MEGF11: variants seen among roughly 807,000 people sequenced by gnomAD.
The protein encoded by MEGF11 is multiple EGF like domains 11, also known as multiple epidermal growth factor-like domains protein 11.
A neutral mutation model predicts 146.6 loss-of-function variants in MEGF11; 126 were observed. The observed-to-expected ratio is 0.86, with a 90% CI of 0.74 to 1.00. The LOEUF (loss-of-function observed/expected upper bound fraction) is 1.00, where lower values mean the gene tolerates loss of function less well. MEGF11 is among the 50% of genes least tolerant of loss of function. The probability of loss-of-function intolerance (pLI) is 0.00; values close to 1 mark genes in which losing one functional copy is unlikely to be tolerated. For missense variants in MEGF11, 1,509 were observed against 1,521.2 expected (o/e 0.99, Z 0.13); for synonymous variants, 532 against 583.4 (o/e 0.91, Z 1.27).
chr15:66,231,584 T>C (rs1490340388), intron 1 of MEGF11, among the ~76,000 whole-genome samples: 1 of 152,080 alleles, frequency 6.6e-6, no homozygotes, highest in African/African-American at 2.4e-5. Context: ...GCTCCAACCG[T>C]CTCCTGAGTC....
intron 10 of MEGF11, among the ~76,000 whole-genome samples, chr15:65,947,233 C>T (rs1314033279): frequency 1.3e-5 from 2 of 151,920 alleles, no homozygotes; most frequent in Admixed American, 6.5e-5. Flanking sequence ...GAATTATCGG[C>T]ACTAATGACT....
chr15:65,925,942 A>C (rs993157761), intron 13 of MEGF11, among the ~76,000 whole-genome samples: 1 of 152,024 alleles, frequency 6.6e-6, no homozygotes, highest in African/African-American at 2.4e-5. Flanking sequence ...CATACACAAG[A>C]CCTGTCTCCC....
chr15:66,145,923 T>C (rs2089354128), intron 1 of MEGF11, among the ~76,000 whole-genome samples: 1 of 152,180 alleles, frequency 6.6e-6, no homozygotes, highest in African/African-American at 2.4e-5. Flanking sequence ...ATCTGGAACA[T>C]TGTAAAAACT....
chr15:65,945,289 G>A (rs1348924629), intron 10 of MEGF11, among the ~76,000 whole-genome samples: 1 of 152,174 alleles, frequency 6.6e-6, no homozygotes, highest in Admixed American at 6.5e-5. Context: ...CACAGAACAC[G>A]GGCCTGGAAT....
intron 1 of MEGF11, among the ~76,000 whole-genome samples, chr15:66,135,090 G>A (rs1163849542): frequency 1.3e-5 from 2 of 152,210 alleles, no homozygotes; most frequent in Non-Finnish European, 2.9e-5. Context: ...AACTTCAAGG[G>A]CTGTTAAGAT....
intron 10 of MEGF11, among the ~76,000 whole-genome samples, chr15:65,940,581 C>G (rs1427929152): frequency 6.6e-6 from 1 of 152,244 alleles, no homozygotes; most frequent in East Asian, 1.9e-4. Context: ...TGGTGCGTCA[C>G]TGATAAAGCA....
chr15:65,935,221 G>A (rs2079728540), intron 10 of MEGF11, among the ~76,000 whole-genome samples: 1 of 151,314 alleles, frequency 6.6e-6, no homozygotes, highest in African/African-American at 2.4e-5. Context: ...TTGGGAGGCT[G>A]AGGCAGGGGA....
chr15:66,080,086 C>A (rs745421011), intron 5 of MEGF11, among the ~76,000 whole-genome samples: 1 of 152,184 alleles, frequency 6.6e-6, no homozygotes, highest in Non-Finnish European at 1.5e-5. Context: ...CAGCCAAGGG[C>A]GGAGAGATGG....
chr15:66,129,314 C>T (rs751662260), intron 1 of MEGF11, among the ~76,000 whole-genome samples: 91 of 152,330 alleles, frequency 6.0e-4, no homozygotes, highest in Non-Finnish European at 1.2e-3. Flanking sequence ...CCAAGGGTTG[C>T]GACCTGGTGG....
chr15:66,007,576 C>T (rs1374499553), intron 5 of MEGF11, among the ~76,000 whole-genome samples: 1 of 152,106 alleles, frequency 6.6e-6, no homozygotes, highest in African/African-American at 2.4e-5. Context: ...ATGGAAAAAC[C>T]TTATCTTTAC....
At chr15:66,071,986 C>T (rs1272470337) in intron 5 of MEGF11, among the ~76,000 whole-genome samples, 1 of 152,250 alleles carries the variant, frequency 6.6e-6, no homozygotes, top group African/African-American at 2.4e-5. Flanking sequence ...TGCCAGAGGA[C>T]TCCCTTCCGG....
chr15:66,082,468 TCTA>T (rs1292945766), intron 5 of MEGF11, among the ~76,000 whole-genome samples: 2 of 41,384 alleles, frequency 4.8e-5, no homozygotes, highest in Admixed American at 3.2e-4. Flanking sequence ...AAAAAAAAAA[TCTA>T]TCTATCTATC....
intron 1 of MEGF11, among the ~76,000 whole-genome samples, chr15:66,250,571 T>G (rs926185314): frequency 6.6e-6 from 1 of 152,196 alleles, no homozygotes; most frequent in African/African-American, 2.4e-5. Flanking sequence ...TTCCTGCCTT[T>G]CATAAGTTCG....
chr15:65,963,803 C>A (rs2080956437), intron 9 of MEGF11, among the ~76,000 whole-genome samples: 1 of 152,168 alleles, frequency 6.6e-6, no homozygotes, highest in Admixed American at 6.5e-5. Flanking sequence ...GGAGGGAGGA[C>A]CTTTTAGTTT....
chr15:65,937,732 C>G (rs1178576704), intron 10 of MEGF11, among the ~76,000 whole-genome samples: 1 of 152,234 alleles, frequency 6.6e-6, no homozygotes, highest in African/African-American at 2.4e-5. Context: ...ATGATGTCAC[C>G]TATGACCAAT....
intron 23 of MEGF11, among the ~76,000 whole-genome samples, chr15:65,908,443 T>C (rs1307385839): frequency 6.6e-6 from 1 of 152,220 alleles, no homozygotes. Flanking sequence ...GGGCTAACTT[T>C]CCAAGTCTCT....
chr15:66,102,573 T>C (rs898002260), intron 4 of MEGF11, among the ~76,000 whole-genome samples: 1 of 151,588 alleles, frequency 6.6e-6, no homozygotes, highest in Non-Finnish European at 1.5e-5. Flanking sequence ...ACTATAGGCA[T>C]GCACCACCAC....
At chr15:66,025,660 T>A (rs141561237) in intron 5 of MEGF11, among the ~76,000 whole-genome samples, 288 of 152,212 alleles carry the variant, frequency 1.9e-3, no homozygotes, top group African/African-American at 6.5e-3. Context: ...GCTTTGTGAG[T>A]CCTTAGGAAC....
At chr15:65,996,244 A>G (rs1199080441) in intron 5 of MEGF11, among the ~76,000 whole-genome samples, 1 of 152,236 alleles carries the variant, frequency 6.6e-6, no homozygotes, top group Non-Finnish European at 1.5e-5. Flanking sequence ...TAGGGCAGGG[A>G]TGAGAAGAGC....
Sources: gnomAD v4.1 joint callset for allele counts (sites outside exome capture counted in the v4.1 genomes callset) on GRCh38, gnomAD v4.1.1 for gene constraint, MANE v1.5 for transcripts, NCBI Gene and HGNC (gene_info 2026-07-23, HGNC 2026-07-21) for gene names.